The following DNAJC1 variants were observed in gnomAD, a reference collection of about 807,000 sequenced individuals.
The protein encoded by DNAJC1 is dnaJ homolog subfamily C member 1.
Under a neutral mutation model 76.6 loss-of-function variants are expected in DNAJC1, and 58 were observed. The observed-to-expected ratio is 0.76, with a 90% confidence interval of 0.61 to 0.94. The LOEUF (loss-of-function observed/expected upper bound fraction) is 0.94, where lower values mean the gene tolerates loss of function less well. DNAJC1 is among the 40% of genes least tolerant of loss of function. The pLI is 0.00. For missense variants in DNAJC1, 689 were observed against 677.3 expected (o/e 1.02, Z -0.19); for synonymous variants, 258 against 267.9 (o/e 0.96, Z 0.36).
At position 21,849,386 on chromosome 10, in the gene DNAJC1, G is replaced by C. The variant is rs533628929; in HGVS notation, c.978+32896C>G. On this transcript the variant is annotated intron_variant, in intron 8 of 11. Transcript: ENST00000376980. ...TTAGACTTTATTCCTGAAGGAAGTAGAAAAAGGAGATCAGAGACCAAAGCT... is the reference window on the plus strand; with the variant it reads ...TTAGACTTTATTCCTGAAGGAAGTACAAAAAGGAGATCAGAGACCAAAGCT... 4.1e-5 allele frequency among the ~76,000 whole-genome samples: 6 copies of C among 147,308 alleles called. No individual in the cohort carries two copies. The South Asian group carries it at 1.3e-3, about 32-fold the overall frequency.
At chr10:21,831,564 G>C (rs559023076) in intron 8 of DNAJC1, among the ~76,000 whole-genome samples, 1 of 152,172 alleles carries the variant, frequency 6.6e-6, no homozygotes, top group Non-Finnish European at 1.5e-5. Flanking sequence ...GCTGAGATGG[G>C]TGGATCACGA....
chr10:21,799,387 C>G (rs1189717359), intron 9 of DNAJC1, among the ~76,000 whole-genome samples: 2 of 152,116 alleles, frequency 1.3e-5, no homozygotes. Context: ...CAACCTCGAT[C>G]TCCTGGGCTC....
chr10:21,904,489 G>T, intron 7 of DNAJC1, 33 bp downstream of exon 7: 2 of 1,241,708 alleles, frequency 1.6e-6, no homozygotes, highest in South Asian at 1.6e-5. Context: ...AATTTTATAT[G>T]ACATTGTTAA....
chr10:21,925,638 T>C (rs1327985903), intron 3 of DNAJC1, among the ~76,000 whole-genome samples: 1 of 152,298 alleles, frequency 6.6e-6, no homozygotes, highest in Middle Eastern at 3.4e-3. Context: ...TATGCTACAA[T>C]ATGGATGAAT....
rs537787929 is a variant in DNAJC1 at position 21,886,784 on chromosome 10, TA to T, written c.821-4346del. Among the ~76,000 whole-genome samples, 3 of 151,654 alleles carry T rather than the reference TA, an allele frequency of 2.0e-5. No individual in the cohort carries two copies. In the East Asian group the frequency reaches 5.8e-4, roughly 29 times the overall value. On this transcript the variant is annotated intron_variant, in intron 7 of 11. Transcript: ENST00000376980. ...AATAAAATTCAACACCCCTTTATGTTAAAAAAAACTCTCAATAAACTAGGTA... is the reference window on the plus strand; with the variant it reads ...AATAAAATTCAACACCCCTTTATGTTAAAAAAACTCTCAATAAACTAGGTA...
chr10:21,825,739 T>C (rs1474928427), intron 8 of DNAJC1, among the ~76,000 whole-genome samples: 1 of 152,224 alleles, frequency 6.6e-6, no homozygotes, highest in South Asian at 2.1e-4. Context: ...TGCAGTGCTA[T>C]CTTATGTGGT....
intron 1 of DNAJC1, among the ~76,000 whole-genome samples, chr10:21,931,708 AC>A (rs1181347686): frequency 6.6e-6 from 1 of 152,186 alleles, no homozygotes; most frequent in Non-Finnish European, 1.5e-5. Flanking sequence ...AAAGGTAAAA[AC>A]CCTGGTACGT....
At chr10:21,786,457 TATATATAGAGAGAG>T (rs1436127919) in intron 9 of DNAJC1, among the ~76,000 whole-genome samples, 226 of 44,286 alleles carry the variant, frequency 5.1e-3, no homozygotes, top group African/African-American at 0.016. Context: ...TATATATATA[TATATATAGAGAGAG>T]AGAGAGAGAG....
rs370004554 is a variant in DNAJC1 at position 21,817,965 on chromosome 10, C to G, written c.979-11866G>C. 1.4e-4 allele frequency among the ~76,000 whole-genome samples: 22 copies of G among 152,208 alleles called. No individual in the cohort carries two copies. In the East Asian group the frequency reaches 3.7e-3, roughly 25 times the overall value. ...CCATGTGATGATTGCGTTAACTGCA[C>G]AAATTGTTTGTAGAGCATGTGTATT... On this transcript the variant is annotated intron_variant, in intron 8 of 11. Transcript: ENST00000376980.
chr10:21,815,188 G>A (rs556539548), intron 8 of DNAJC1, among the ~76,000 whole-genome samples: 1 of 152,304 alleles, frequency 6.6e-6, no homozygotes, highest in Admixed American at 6.5e-5. Flanking sequence ...GTGCTGCTCA[G>A]AACTAAAAAC....
chr10:21,945,192 A>C (rs975437472), intron 1 of DNAJC1, among the ~76,000 whole-genome samples: 1 of 152,228 alleles, frequency 6.6e-6, no homozygotes, highest in African/African-American at 2.4e-5. Flanking sequence ...AGTACTGCTG[A>C]TGTCAGGTAA....
At chr10:21,757,357 G>A (rs778187392) in intron 11 of DNAJC1, among the ~76,000 whole-genome samples, 1 of 152,186 alleles carries the variant, frequency 6.6e-6, no homozygotes, top group Non-Finnish European at 1.5e-5. Context: ...GCAGAGGTGG[G>A]GTGATGGTGG....
chr10:21,999,956 C>T (rs1838491823), intron 1 of DNAJC1, among the ~76,000 whole-genome samples: 1 of 152,134 alleles, frequency 6.6e-6, no homozygotes, highest in Non-Finnish European at 1.5e-5. Context: ...TGCCTACATA[C>T]CAGCTCAACT....
At position 21,998,389 on chromosome 10, in the gene DNAJC1, CAAAAAA is replaced by C. The variant is rs60371730; in HGVS notation, c.222+4818_222+4823del. 7.3e-5 allele frequency among the ~76,000 whole-genome samples: 7 copies of C among 95,820 alleles called. No individual in the cohort carries two copies. The East Asian group carries it at 1.4e-3, about 20-fold the overall frequency. 62.9% of individuals were successfully genotyped at this position (95,820 alleles called of 152,430 possible). A position where few individuals can be genotyped will look rare whatever the true frequency, so the allele number is the denominator to read the frequency against. On this transcript the variant is annotated intron_variant, in intron 1 of 11. Transcript: ENST00000376980. Reference sequence around the variant, plus strand: ...TGGGCGACAGAGCAAGACTCCATCTCAAAAAAAAAAAAAAAAAAAAGAAATACAGAA... The same window carrying C: ...TGGGCGACAGAGCAAGACTCCATCTCAAAAAAAAAAAAAAGAAATACAGAA...
At chr10:21,911,876 A>G (rs1836869949) in intron 6 of DNAJC1, among the ~76,000 whole-genome samples, 1 of 152,216 alleles carries the variant, frequency 6.6e-6, no homozygotes, top group African/African-American at 2.4e-5. Context: ...TAAAAATAAA[A>G]TAGGCTTTGT....
At chr10:21,989,987 T>A (rs189583308) in intron 1 of DNAJC1, among the ~76,000 whole-genome samples, 136 of 152,332 alleles carry the variant, frequency 8.9e-4, no homozygotes, top group African/African-American at 3.1e-3. Context: ...TTTAACCACC[T>A]ATGTGCAATT....
At chr10:21,772,586 C>CT (rs950148541) in intron 9 of DNAJC1, among the ~76,000 whole-genome samples, 21 of 151,276 alleles carry the variant, frequency 1.4e-4, no homozygotes, top group Admixed American at 3.3e-4. Context: ...CAGTAATGTC[C>CT]TTTTTTTTGA....
chr10:21,757,265 C>T (rs563682352), intron 11 of DNAJC1, among the ~76,000 whole-genome samples: 1 of 152,160 alleles, frequency 6.6e-6, no homozygotes, highest in Admixed American at 6.5e-5. Context: ...ACCTCCATCC[C>T]ACCCTACAGG....
chr10:21,846,547 T>C (rs1420134471), intron 8 of DNAJC1, among the ~76,000 whole-genome samples: 1 of 152,200 alleles, frequency 6.6e-6, no homozygotes, highest in African/African-American at 2.4e-5. Flanking sequence ...CCAAAAGGAT[T>C]TGATAAAGTA....
Sources: gnomAD v4.1 joint callset for allele counts (sites outside exome capture counted in the v4.1 genomes callset) on GRCh38, gnomAD v4.1.1 for gene constraint, MANE v1.5 for transcripts, NCBI Gene and HGNC (gene_info 2026-07-23, HGNC 2026-07-21) for gene names.